Variants in CSGALNACT1 observed in about 807,000 individuals in gnomAD.
CSGALNACT1 encodes beta4GalNAcT-1.
CSGALNACT1 carries 52 observed loss-of-function variants against 51.0 expected under a neutral mutation model. The ratio of observed to expected loss-of-function variants is 1.02; its 90% CI spans 0.82 to 1.29. The LOEUF (loss-of-function observed/expected upper bound fraction) is 1.29, where lower values mean the gene tolerates loss of function less well. Ranked by LOEUF, CSGALNACT1 falls within the 50% of genes most tolerant of loss-of-function variation. The probability of loss-of-function intolerance (pLI) is 0.00; values close to 1 mark genes in which losing one functional copy is unlikely to be tolerated. For synonymous variants in CSGALNACT1, 341 were observed against 254.4 expected, an observed-to-expected ratio of 1.34 and a Z score of -3.24; for missense variants, 935 against 679.2, an observed-to-expected ratio of 1.38 and a Z score of -4.19.
intron 1 of CSGALNACT1, among the ~76,000 whole-genome samples, chr8:19,607,553 C>A (rs1050665789): frequency 1.3e-5 from 2 of 152,164 alleles, no homozygotes; most frequent in African/African-American, 4.8e-5. Flanking sequence ...TATTAGACAC[C>A]CTTTTCCAGT....
At chr8:19,719,790 A>AT (rs11376273) in intron 1 of CSGALNACT1, among the ~76,000 whole-genome samples, 78,481 of 151,904 alleles carry the variant, frequency 0.52, 20,533 homozygotes, top group Middle Eastern at 0.62. Context: ...TAGCACCCCA[A>AT]TTTTGCTCCA....
At position 19,672,561 on chromosome 8, in the gene CSGALNACT1, A is replaced by G. The variant is rs1755644883; in HGVS notation, c.-544+9912T>C. On this transcript the variant is annotated intron_variant, in intron 1 of 9. Coordinates refer to the CSGALNACT1 transcript ENST00000332246. Reference sequence around the variant, plus strand: ...GGACAGCTAAAGAATACTATTGACTATCTAATATAAATGCTTAATAGCAGA... The same window carrying G: ...GGACAGCTAAAGAATACTATTGACTGTCTAATATAAATGCTTAATAGCAGA... Among the ~76,000 whole-genome samples the G allele has an allele frequency of 1.3e-5, 2 of 152,216 alleles. 1 individual carries two copies. The highest frequency in any genetic ancestry group is 4.1e-4 in the South Asian group (2 of 4,834).
chr8:19,712,340 T>TC (rs1265415490), intron 1 of CSGALNACT1, among the ~76,000 whole-genome samples: 2 of 152,140 alleles, frequency 1.3e-5, no homozygotes, highest in African/African-American at 2.4e-5. Flanking sequence ...TCAGAGCTCT[T>TC]CAACACTAAA....
chr8:19,706,163 G>C (rs563675831), intron 1 of CSGALNACT1, among the ~76,000 whole-genome samples: 6 of 152,316 alleles, frequency 3.9e-5, no homozygotes, highest in Non-Finnish European at 8.8e-5. Context: ...ACAGCTGTGT[G>C]AGGCCTTATG....
chr8:19,742,414 T>C (rs2064370653), intron 1 of CSGALNACT1, among the ~76,000 whole-genome samples: 1 of 152,226 alleles, frequency 6.6e-6, no homozygotes, highest in African/African-American at 2.4e-5. Context: ...GGGGCCTCTC[T>C]TGGCTAGGTG....
chr8:19,479,333 G>C lies in CSGALNACT1; in HGVS notation c.635-20691C>G, dbSNP rs563805248. 4.0e-4 allele frequency among the ~76,000 whole-genome samples: 61 copies of C among 152,284 alleles called. No homozygotes were observed. In the South Asian group the frequency reaches 0.011, roughly 27 times the overall value. ...TGGATGAGAGTCTGTGCTCTGGATA[G>C]ACTATGGGAAAAAGTCCATTAAGGA... is the stretch of plus-strand genomic sequence containing the variant. On this transcript the variant is annotated intron_variant, in intron 4 of 9. Coordinates refer to ENST00000454498, the Ensembl canonical transcript of CSGALNACT1.
chr8:19,582,328 G>C (rs4606078), intron 3 of CSGALNACT1, among the ~76,000 whole-genome samples: 1 of 152,070 alleles, frequency 6.6e-6, no homozygotes, highest in South Asian at 2.1e-4. Flanking sequence ...TCCAATGAAA[G>C]ACTACTTAGA....
At chr8:19,615,941 TATA>T (rs2052941414) in intron 1 of CSGALNACT1, among the ~76,000 whole-genome samples, 1 of 152,224 alleles carries the variant, frequency 6.6e-6, no homozygotes, top group African/African-American at 2.4e-5. Flanking sequence ...GTATTTTAAT[TATA>T]ATACTTTTAT....
chr8:19,697,511 A>G lies in CSGALNACT1; in HGVS notation c.-297+60339T>C, dbSNP rs117612438. Among the ~76,000 whole-genome samples, 42 of 152,280 alleles carry G rather than the reference A, an allele frequency of 2.8e-4. No homozygotes were observed. In the East Asian group the frequency reaches 7.9e-3, roughly 29 times the overall value. On this transcript the variant is annotated intron_variant, in intron 1 of 1. Transcript: ENST00000517494. ...ACCCTTGTAAGATGACTGGGCACCAAATCTCAGGGCCGGGCAGAGCTAAAA... is the reference window on the plus strand; with the variant it reads ...ACCCTTGTAAGATGACTGGGCACCAGATCTCAGGGCCGGGCAGAGCTAAAA...
chr8:19,666,999 GAAA>G (rs747350790), intron 1 of CSGALNACT1, among the ~76,000 whole-genome samples: 1,394 of 25,730 alleles, frequency 0.054, 107 homozygotes, highest in Middle Eastern at 0.15. Context: ...AAGAAAGAAA[GAAA>G]GAAAGAAAGA....
At chr8:19,589,859 A>G (rs1327497257) in intron 3 of CSGALNACT1, among the ~76,000 whole-genome samples, 1 of 152,330 alleles carries the variant, frequency 6.6e-6, no homozygotes, top group African/African-American at 2.4e-5. Context: ...ATCCACAGAA[A>G]ATAGGCAGTT....
intron 1 of CSGALNACT1, among the ~76,000 whole-genome samples, chr8:19,615,930 G>C (rs574540208): frequency 6.6e-6 from 1 of 152,192 alleles, no homozygotes; most frequent in African/African-American, 2.4e-5. Flanking sequence ...TTATCAAACA[G>C]GTATTTTAAT....
intron 3 of CSGALNACT1, among the ~76,000 whole-genome samples, chr8:19,535,295 C>T (rs1233827413): frequency 6.6e-6 from 1 of 152,122 alleles, no homozygotes; most frequent in African/African-American, 2.4e-5. Flanking sequence ...TCTAGCACCT[C>T]AAAGAAGGAT....
At chr8:19,457,684 A>C in intron 5 of CSGALNACT1, 1 of 1,307,012 alleles carries the variant, frequency 7.7e-7, no homozygotes, top group African/African-American at 1.5e-5. Context: ...TTCTATGTTT[A>C]AAACAAGCTG....
rs1286914389 is a variant in CSGALNACT1, at chr8:19,754,484, TGAA to T, written c.-297+3363_-297+3365del. Among the ~76,000 whole-genome samples the T allele has an allele frequency of 2.0e-5, 3 of 152,218 alleles. No homozygotes were observed. In the East Asian group the frequency reaches 5.8e-4, roughly 29 times the overall value. On this transcript the variant is annotated intron_variant, in intron 1 of 1. Coordinates refer to the CSGALNACT1 transcript ENST00000517494. ...ACCAAAGACATACAAAGAAAACCAC[TGAA>T]ATACCTAGATGAAAACCATATACAT...
intron 1 of CSGALNACT1, among the ~76,000 whole-genome samples, chr8:19,746,890 A>G (rs1182291054): frequency 1.3e-5 from 2 of 152,212 alleles, no homozygotes; most frequent in Non-Finnish European, 2.9e-5. Context: ...CAAGGGCGAT[A>G]CTTGGTGGTT....
intron 4 of CSGALNACT1, among the ~76,000 whole-genome samples, chr8:19,460,895 T>C (rs1366303132): frequency 6.6e-6 from 1 of 152,166 alleles, no homozygotes; most frequent in Non-Finnish European, 1.5e-5. Flanking sequence ...TTGGATTTCT[T>C]TGAGGTGCCA....
intron 4 of CSGALNACT1, among the ~76,000 whole-genome samples, chr8:19,474,133 T>G (rs1350655271): frequency 3.9e-5 from 6 of 152,136 alleles, no homozygotes; most frequent in Non-Finnish European, 8.8e-5. Context: ...TGATGAGAGA[T>G]AAGCTACGAC....
At chr8:19,727,684 G>A (rs1175149501) in intron 1 of CSGALNACT1, among the ~76,000 whole-genome samples, 1 of 152,078 alleles carries the variant, frequency 6.6e-6, no homozygotes. Context: ...TCTCCTTTTT[G>A]GTCATGGTTG....
Sources: allele counts gnomAD v4.1 joint callset (sites outside exome capture counted in the v4.1 genomes callset), GRCh38; gene constraint gnomAD v4.1.1; transcripts MANE v1.5; gene names NCBI Gene and HGNC (gene_info 2026-07-23, HGNC 2026-07-21).